FGGY: variants seen among roughly 807,000 people sequenced by gnomAD.
The protein encoded by FGGY is FGGY carbohydrate kinase domain containing, also known as FGGY carbohydrate kinase domain-containing protein.
A neutral mutation model predicts 71.3 loss-of-function variants in FGGY; 72 were observed. The observed-to-expected ratio is 1.01, with a 90% CI of 0.84 to 1.23. FGGY has a LOEUF of 1.23. Ranked by LOEUF, FGGY falls within the 50% of genes most tolerant of loss-of-function variation. FGGY has a pLI of 0.00. For missense variants in FGGY, 668 were observed against 682.3 expected (o/e 0.98, Z 0.23); for synonymous variants, 251 against 250.3 (o/e 1.00, Z -0.02).
At chr1:59,629,232 A>G (rs1332443378) in intron 10 of FGGY, among the ~76,000 whole-genome samples, 1 of 152,182 alleles carries the variant, frequency 6.6e-6, no homozygotes, top group Non-Finnish European at 1.5e-5. Flanking sequence ...AATAATAAAT[A>G]AATAAATAAA....
chr1:59,463,820 C>G (rs7545553), intron 6 of FGGY, among the ~76,000 whole-genome samples: 60,417 of 152,018 alleles, frequency 0.4, 12,225 homozygotes, highest in Middle Eastern at 0.5. Flanking sequence ...GCTAACTATC[C>G]TAAATACATA....
At chr1:59,623,626 T>C (rs1474025626) in intron 9 of FGGY, among the ~76,000 whole-genome samples, 1 of 152,170 alleles carries the variant, frequency 6.6e-6, no homozygotes, top group African/African-American at 2.4e-5. Context: ...CTAACCAGCC[T>C]CCTTTCTGTC....
chr1:59,510,224 T>A (rs1268779730), intron 6 of FGGY, among the ~76,000 whole-genome samples: 3 of 152,158 alleles, frequency 2.0e-5, no homozygotes, highest in African/African-American at 7.2e-5. Flanking sequence ...AGGCTGTCTC[T>A]AGGGTGTTTA....
At chr1:59,403,292 A>T (rs945726314) in intron 5 of FGGY, among the ~76,000 whole-genome samples, 1 of 152,190 alleles carries the variant, frequency 6.6e-6, no homozygotes, top group Non-Finnish European at 1.5e-5. Flanking sequence ...ACAAGCCTAG[A>T]CTATGCTTTG....
chr1:59,549,162 T>C (rs781461004), intron 7 of FGGY, among the ~76,000 whole-genome samples: 27 of 152,208 alleles, frequency 1.8e-4, no homozygotes, highest in Admixed American at 3.3e-4. Flanking sequence ...GTTGTCAATT[T>C]GCATGTATAA....
chr1:59,537,529 G>T (rs187298724), intron 7 of FGGY, among the ~76,000 whole-genome samples: 3 of 152,178 alleles, frequency 2.0e-5, no homozygotes, highest in Middle Eastern at 6.8e-3. Context: ...AAAAGAGCCC[G>T]CATCACCAAG....
At chr1:59,656,755 T>C (rs2153951142) in intron 11 of FGGY, among the ~76,000 whole-genome samples, 1 of 152,356 alleles carries the variant, frequency 6.6e-6, no homozygotes, top group Non-Finnish European at 1.5e-5. Flanking sequence ...AAATCTCTTC[T>C]AGAATTTCTT....
At chr1:59,712,801 G>A (rs1212345367) in intron 14 of FGGY, among the ~76,000 whole-genome samples, 1 of 152,172 alleles carries the variant, frequency 6.6e-6, no homozygotes, top group Non-Finnish European at 1.5e-5. Flanking sequence ...GATGGGAGGG[G>A]CTGCCATGAA....
chr1:59,430,460 G>A (rs1000332988), intron 5 of FGGY, among the ~76,000 whole-genome samples: 1 of 152,150 alleles, frequency 6.6e-6, no homozygotes, highest in Non-Finnish European at 1.5e-5. Context: ...TCTTTTGCAG[G>A]TGTCAGGTAT....
chr1:59,618,539 G>T (rs541155881), intron 9 of FGGY, among the ~76,000 whole-genome samples: 15 of 152,250 alleles, frequency 9.9e-5, no homozygotes, highest in African/African-American at 3.4e-4. Flanking sequence ...AGAAGCAACT[G>T]TTGTCCGTTA....
intron 14 of FGGY, among the ~76,000 whole-genome samples, chr1:59,711,678 A>G (rs1573551926): frequency 6.6e-6 from 1 of 152,220 alleles, no homozygotes; most frequent in East Asian, 1.9e-4. Context: ...TCTTACATGA[A>G]TGACGGCAAG....
intron 5 of FGGY, among the ~76,000 whole-genome samples, chr1:59,433,747 G>T (rs766277616): frequency 6.6e-6 from 1 of 152,030 alleles, no homozygotes; most frequent in African/African-American, 2.4e-5. Context: ...CTCATTCTTC[G>T]CCAGCTCCGT....
At chr1:59,381,746 A>G (rs1486779539) in intron 5 of FGGY, among the ~76,000 whole-genome samples, 1 of 151,902 alleles carries the variant, frequency 6.6e-6, no homozygotes, top group Non-Finnish European at 1.5e-5. Context: ...TGTGTTATGT[A>G]CTTGTTTGCT....
chr1:59,498,223 C>T (rs200984454), intron 6 of FGGY, among the ~76,000 whole-genome samples: 1 of 129,838 alleles, frequency 7.7e-6, no homozygotes, highest in African/African-American at 3.2e-5. Flanking sequence ...GTGTATTTTA[C>T]AAATGAGGAG....
chr1:59,542,389 G>A (rs2095454085), intron 7 of FGGY, among the ~76,000 whole-genome samples: 1 of 151,270 alleles, frequency 6.6e-6, no homozygotes, highest in African/African-American at 2.4e-5. Flanking sequence ...TATTAATCAG[G>A]GCTGAACGTG....
chr1:59,470,913 T>G (rs1009379756), intron 6 of FGGY, among the ~76,000 whole-genome samples: 2 of 152,244 alleles, frequency 1.3e-5, no homozygotes, highest in African/African-American at 4.8e-5. Flanking sequence ...GAAGTGCTGC[T>G]TCATCTTTGT....
At chr1:59,681,790 ACACACACACACACATG>A (rs919639918) in intron 14 of FGGY, among the ~76,000 whole-genome samples, 2 of 105,498 alleles carry the variant, frequency 1.9e-5, no homozygotes, top group East Asian at 3.1e-4. Flanking sequence ...AAATACACAC[ACACACACACACACATG>A]CACACACACA....
At chr1:59,501,644 C>T (rs942890636) in intron 6 of FGGY, among the ~76,000 whole-genome samples, 2 of 152,128 alleles carry the variant, frequency 1.3e-5, no homozygotes, top group Admixed American at 1.3e-4. Flanking sequence ...TTGAAACAAG[C>T]GTTTTGTTCT....
chr1:59,472,496 C>G (rs2093009267), intron 6 of FGGY, among the ~76,000 whole-genome samples: 1 of 152,276 alleles, frequency 6.6e-6, no homozygotes, highest in Admixed American at 6.5e-5. Flanking sequence ...TGGCAGGCAG[C>G]TCCACCTGCA....
Sources: gnomAD v4.1 joint callset for allele counts (sites outside exome capture counted in the v4.1 genomes callset) on GRCh38, gnomAD v4.1.1 for gene constraint, MANE v1.5 for transcripts, NCBI Gene and HGNC (gene_info 2026-07-23, HGNC 2026-07-21) for gene names.